Variants in KLF12 observed in about 807,000 individuals in gnomAD.
The protein encoded by KLF12 is KLF transcription factor 12, also known as Krueppel-like factor 12.
A neutral mutation model predicts 37.8 loss-of-function variants in KLF12; 9 were observed. The observed-to-expected ratio is 0.24, with a 90% CI of 0.14 to 0.42. The LOEUF (loss-of-function observed/expected upper bound fraction) is 0.42. Among genes scored for constraint, KLF12 ranks in the 10% least tolerant of loss-of-function variants. The pLI is 1.00. For synonymous variants in KLF12, 208 were observed against 202.1 expected, an observed-to-expected ratio of 1.03 and a Z score of -0.25; for missense variants, 411 against 516.0, an observed-to-expected ratio of 0.80 and a Z score of 1.97.
chr13:74,118,373 C>T (rs189095076), intron 1 of KLF12, among the ~76,000 whole-genome samples: 12 of 152,292 alleles, frequency 7.9e-5, no homozygotes, highest in East Asian at 5.8e-4. Flanking sequence ...AAAAGCCACA[C>T]GTCTCACAAT....
chr13:74,228,432 A>G, the KLF12 span, among the ~76,000 whole-genome samples: 1 of 152,178 alleles, frequency 6.6e-6, no homozygotes, highest in South Asian at 2.1e-4. Flanking sequence ...ATTTTCCTAT[A>G]AAATATTACA....
Position 74,000,294 on chromosome 13 carries a change from G to A in KLF12, c.-31-5241C>T, listed in dbSNP as rs933743494. 7.2e-5 allele frequency among the ~76,000 whole-genome samples: 11 copies of A among 152,106 alleles called. No homozygotes were observed. The East Asian group carries it at 1.2e-3, about 16-fold the overall frequency. On this transcript the variant is annotated intron_variant, in intron 1 of 7. Coordinates refer to ENST00000377669, the MANE Select transcript of KLF12 (RefSeq NM_007249.5). ...CACCTTCAACCATACTTGCTTATACGAAGGTCCTGGGATCCACAGAAAATG... is the reference window on the plus strand; with the variant it reads ...CACCTTCAACCATACTTGCTTATACAAAGGTCCTGGGATCCACAGAAAATG...
intron 6 of KLF12, among the ~76,000 whole-genome samples, chr13:73,737,429 G>C (rs748228882): frequency 6.6e-6 from 1 of 152,090 alleles, no homozygotes; most frequent in Non-Finnish European, 1.5e-5. Context: ...TGTAACCCTG[G>C]ATAAGTCATT....
the KLF12 span, among the ~76,000 whole-genome samples, chr13:74,176,567 C>G: frequency 6.6e-5 from 10 of 152,188 alleles, no homozygotes; most frequent in Admixed American, 6.5e-5. Flanking sequence ...TCAGCTCAGA[C>G]TTACCATTTC....
chr13:74,305,267 T>C, the KLF12 span, among the ~76,000 whole-genome samples: 1 of 152,140 alleles, frequency 6.6e-6, no homozygotes, highest in African/African-American at 2.4e-5. Flanking sequence ...TCCGTTGCTT[T>C]TGCTGGTTAC....
At chr13:74,301,517 T>G in the KLF12 span, among the ~76,000 whole-genome samples, 1 of 152,170 alleles carries the variant, frequency 6.6e-6, no homozygotes, top group Non-Finnish European at 1.5e-5. Context: ...CTTCGTGAGT[T>G]TTATTATTTT....
chr13:74,153,492 C>T, the KLF12 span, among the ~76,000 whole-genome samples: 1 of 152,022 alleles, frequency 6.6e-6, no homozygotes. Flanking sequence ...AGTTCATACC[C>T]TTTCTATATC....
At chr13:73,944,454 A>C (rs1273563811) in intron 2 of KLF12, among the ~76,000 whole-genome samples, 1 of 152,256 alleles carries the variant, frequency 6.6e-6, no homozygotes, top group African/African-American at 2.4e-5. Context: ...GTGCAAAGAT[A>C]TCCATAAAGG....
intron 3 of KLF12, among the ~76,000 whole-genome samples, chr13:73,879,194 T>C (rs1211675046): frequency 2.0e-5 from 3 of 152,204 alleles, no homozygotes; most frequent in Non-Finnish European, 4.4e-5. Context: ...CAGTGAGTAT[T>C]ACACTGTCTT....
intron 5 of KLF12, among the ~76,000 whole-genome samples, chr13:73,806,184 G>A (rs1196299412): frequency 6.7e-6 from 1 of 148,656 alleles, no homozygotes; most frequent in African/African-American, 2.5e-5. Flanking sequence ...TTGGCTCACT[G>A]AAACCTCCGC....
chr13:73,874,111 T>G (rs1324985064), intron 3 of KLF12, among the ~76,000 whole-genome samples: 1 of 152,220 alleles, frequency 6.6e-6, no homozygotes, highest in Non-Finnish European at 1.5e-5. Flanking sequence ...TGTGGACTAC[T>G]TATTAAGGAA....
At chr13:74,074,439 T>A (rs1205008559) in intron 1 of KLF12, among the ~76,000 whole-genome samples, 1 of 152,016 alleles carries the variant, frequency 6.6e-6, no homozygotes, top group African/African-American at 2.4e-5. Flanking sequence ...CACCAAAATA[T>A]CCACTTTCCC....
chr13:74,294,464 G>A, the KLF12 span, among the ~76,000 whole-genome samples: 1 of 152,058 alleles, frequency 6.6e-6, no homozygotes, highest in African/African-American at 2.4e-5. Flanking sequence ...TGCCCCCTGG[G>A]TTCAAGTGAT....
chr13:73,828,357 A>C (rs1883960499), intron 4 of KLF12, among the ~76,000 whole-genome samples: 1 of 152,188 alleles, frequency 6.6e-6, no homozygotes, highest in South Asian at 2.1e-4. Flanking sequence ...ATTCCAAGAC[A>C]TCTCTCTGAA....
chr13:74,162,100 C>T, the KLF12 span, among the ~76,000 whole-genome samples: 1 of 152,160 alleles, frequency 6.6e-6, no homozygotes, highest in African/African-American at 2.4e-5. Context: ...ACATATATTA[C>T]TTTTATTTCC....
chr13:73,715,303 G>A (rs760002635), intron 7 of KLF12, 65 bp downstream of exon 7: 4 of 1,457,816 alleles, frequency 2.7e-6, no homozygotes, highest in Non-Finnish European at 2.8e-6. Context: ...AGGCTCCCGA[G>A]GTAAGTGGCC....
chr13:74,184,194 T>A, the KLF12 span, among the ~76,000 whole-genome samples: 1 of 152,206 alleles, frequency 6.6e-6, no homozygotes, highest in African/African-American at 2.4e-5. Context: ...AAAAGGTTTT[T>A]AAACACCAAA....
intron 6 of KLF12, among the ~76,000 whole-genome samples, chr13:73,725,346 T>A (rs1486423188): frequency 1.3e-5 from 2 of 152,140 alleles, no homozygotes; most frequent in African/African-American, 4.8e-5. Context: ...GTGATCTGCC[T>A]GCCTTGGCCT....
At position 73,694,094 on chromosome 13, in the gene KLF12, G is replaced by C. The variant is rs1873972532; in HGVS notation, c.*1396C>G. The C allele has an allele frequency of 1.3e-5, 2 of 152,570 alleles. No individual in the cohort carries two copies. The highest frequency in any genetic ancestry group is 4.8e-5 in the African/African-American group (2 of 41,426). The allele number at this position is 152,570 out of a possible 1,614,324, so 9.5% of individuals were successfully genotyped here. ...CAGTTTAGAAAATGAAATCGGTATA[G>C]AAGAACCTATTGGAGAGTCACTTAT... is the stretch of plus-strand genomic sequence containing the variant. On this transcript the variant is annotated 3_prime_UTR_variant, in exon 8 of 8. Coordinates refer to ENST00000377669, the MANE Select transcript of KLF12 (RefSeq NM_007249.5).
Sources: gnomAD v4.1 joint callset for allele counts (sites outside exome capture counted in the v4.1 genomes callset) on GRCh38, gnomAD v4.1.1 for gene constraint, MANE v1.5 for transcripts, NCBI Gene and HGNC (gene_info 2026-07-23, HGNC 2026-07-21) for gene names.